The following WDR36 variants were observed in gnomAD, a reference collection of about 807,000 sequenced individuals.
The protein encoded by WDR36 is WD repeat-containing protein 36.
Under a neutral mutation model 112.7 loss-of-function variants are expected in WDR36, and 63 were observed. The observed-to-expected ratio is 0.56, with a 90% CI of 0.46 to 0.69. The LOEUF is 0.69. Among genes scored for constraint, WDR36 ranks in the 30% least tolerant of loss-of-function variants. The pLI is 0.00. For synonymous variants in WDR36, 410 were observed against 362.2 expected (o/e 1.13, Z -1.50); for missense variants, 1,226 against 1,070.3 (o/e 1.15, Z -2.03).
rs1580407445 is a variant in WDR36 at position 111,127,555 on chromosome 5, G to T, written c.*672G>T. ...TGTTGTGTTGCAGGAGAGGAATCAG[G>T]CTAAAGTCTGCTGGTATTTCAGTGA... On this transcript the variant is annotated 3_prime_UTR_variant, in exon 23 of 23. Coordinates refer to ENST00000513710, the MANE Select transcript of WDR36 (RefSeq NM_139281.3). 1 of 210,470 alleles carries T rather than the reference G, an allele frequency of 4.8e-6. No homozygotes were observed. Among genetic ancestry groups the T allele is most frequent in the East Asian group, 7.1e-5 (1 of 14,154 alleles). The allele number at this position is 210,470 out of a possible 1,614,324, so 13.0% of individuals were successfully genotyped here.
chr5:111,109,473 C>G (rs888026953), intron 12 of WDR36, among the ~76,000 whole-genome samples: 6 of 150,966 alleles, frequency 4.0e-5, no homozygotes, highest in African/African-American at 1.2e-4. Flanking sequence ...TAAATACTTT[C>G]TACTTAGTTT....
At chr5:111,118,718 G>A (rs1408180131) in intron 16 of WDR36, among the ~76,000 whole-genome samples, 1 of 151,928 alleles carries the variant, frequency 6.6e-6, no homozygotes, top group Non-Finnish European at 1.5e-5. Flanking sequence ...CCAAAATTTA[G>A]TATTCGAGAA....
intron 16 of WDR36, among the ~76,000 whole-genome samples, chr5:111,115,775 A>T (rs967909482): frequency 2.6e-5 from 4 of 152,198 alleles, no homozygotes; most frequent in African/African-American, 9.7e-5. Flanking sequence ...CATGGGTATT[A>T]AAGTTTCCTG....
chr5:111,105,167 G>A (rs1206832250), intron 9 of WDR36, 128 bp from the exon 10 acceptor site: 1 of 938,906 alleles, frequency 1.1e-6, no homozygotes, highest in Non-Finnish European at 1.7e-6. Context: ...GTTGCAATCT[G>A]GTTTTCCCTT....
chr5:111,111,363 TA>T, intron 15 of WDR36, 85 bp downstream of exon 15: 4 of 1,048,946 alleles, frequency 3.8e-6, no homozygotes, highest in Non-Finnish European at 5.9e-6. Flanking sequence ...AAAATCATTA[TA>T]TGAGGTGGTT....
intron 17 of WDR36, among the ~76,000 whole-genome samples, chr5:111,119,503 A>G (rs1753522564): frequency 6.6e-6 from 1 of 152,170 alleles, no homozygotes; most frequent in Admixed American, 6.6e-5. Context: ...TTGTATATAA[A>G]ATAAGGCACA....
intron 12 of WDR36, 144 bp from the exon 13 acceptor site, chr5:111,110,045 A>G: frequency 1.5e-6 from 1 of 658,546 alleles, no homozygotes; most frequent in Admixed American, 2.4e-5. Context: ...TAATTACTTT[A>G]TGTTAAAAAA....
At chr5:111,113,725 G>A (rs1027087955) in intron 16 of WDR36, among the ~76,000 whole-genome samples, 1 of 152,134 alleles carries the variant, frequency 6.6e-6, no homozygotes, top group Non-Finnish European at 1.5e-5. Flanking sequence ...GCCATATCTG[G>A]TGAGAGCCTT....
intron 1 of WDR36, among the ~76,000 whole-genome samples, 179 bp downstream of exon 1, chr5:111,092,797 T>C (rs553967845): frequency 1.3e-5 from 2 of 152,374 alleles, no homozygotes; most frequent in South Asian, 2.1e-4. Flanking sequence ...GCACTTGCAG[T>C]CCTCCTGGGG....
intron 2 of WDR36, 110 bp from the exon 3 acceptor site, chr5:111,096,965 CTTTA>C (rs1753004055): frequency 8.6e-6 from 6 of 699,522 alleles, no homozygotes; most frequent in South Asian, 1.7e-5. Context: ...CAACTTTGAT[CTTTA>C]TTTATATATT....
rs1230145635 is a variant in WDR36, at chr5:111,127,834, G to A, written c.*951G>A. ...AAAGGTAAAAATTCCATAAATCCTTGCAAACAATTTTTAGCAATATTGTTT... is the reference window on the plus strand; with the variant it reads ...AAAGGTAAAAATTCCATAAATCCTTACAAACAATTTTTAGCAATATTGTTT... On this transcript the variant is annotated 3_prime_UTR_variant, in exon 23 of 23. Transcript: ENST00000513710. The A allele has an allele frequency of 4.8e-6, 1 of 210,228 alleles. No homozygotes were observed. Among genetic ancestry groups the A allele is most frequent in the Non-Finnish European group, 9.6e-6 (1 of 103,762 alleles). 13.0% of individuals were successfully genotyped at this position (210,228 alleles called of 1,614,324 possible). A position where few individuals can be genotyped will look rare whatever the true frequency, so the allele number is the denominator to read the frequency against.
chr5:111,108,855 A>C (rs1331078127), intron 12 of WDR36, among the ~76,000 whole-genome samples: 1 of 151,346 alleles, frequency 6.6e-6, no homozygotes, highest in African/African-American at 2.4e-5. Flanking sequence ...GGGATCACTT[A>C]TAGAACATTT....
intron 22 of WDR36, 129 bp from the exon 23 acceptor site, chr5:111,126,602 GTAA>G: frequency 9.9e-7 from 1 of 1,005,358 alleles, no homozygotes; most frequent in East Asian, 2.6e-5. Flanking sequence ...ATGGGAGATA[GTAA>G]TAAACCAGCG....
intron 16 of WDR36, among the ~76,000 whole-genome samples, chr5:111,117,350 G>C (rs1285591493): frequency 1.3e-5 from 2 of 152,112 alleles, no homozygotes; most frequent in African/African-American, 2.4e-5. Flanking sequence ...CAAATTGAGA[G>C]AGGCGTTTTA....
At position 111,124,140 on chromosome 5, in the gene WDR36, A is replaced by G. The variant is rs1353229226; in HGVS notation, c.2301A>G (p.Gln767=). 6.2e-7 allele frequency: 1 copy of G among 1,612,972 alleles called. No individual in the cohort carries two copies. Among genetic ancestry groups the G allele is most frequent in the African/African-American group, 1.3e-5 (1 of 74,904 alleles). Residue 767 remains glutamine (Q), a synonymous_variant, in exon 21 of 23, where the codon CAA becomes CAG. Transcript: ENST00000513710. ...SKVVNLGVLA[Q]KSDFCLKLEE... is the part of the protein sequence containing the mutation. ...TGGTAAATCTTGGAGTTTTGGCTCA[A>G]AAATCAGATTTCTGCTTGAAACTTG... is the stretch of plus-strand genomic sequence containing the variant.
Position 111,104,191 on chromosome 5 carries a change from A to G in WDR36, c.745A>G (p.Met249Val). The change falls in exon 8 of 23, where the codon ATG (methionine) becomes GTG (valine). Residue 249 changes from methionine to valine, a missense_variant. Physicochemically the swap from Met to Val is conservative, Grantham distance 21 (BLOSUM62 1). Coordinates refer to ENST00000513710, the MANE Select transcript of WDR36 (RefSeq NM_139281.3). ...TTTAATAACAGATGGTCATCCAGTA[A>G]TGGCAGCTGGAAGCCCATGTGGCCA... ...ISFRTDGHPV[M>V]AAGSPCGHIG... The G allele has an allele frequency of 6.2e-7, 1 of 1,611,136 alleles. No homozygotes were observed. Among genetic ancestry groups the G allele is most frequent in the Non-Finnish European group, 8.5e-7 (1 of 1,178,102 alleles).
At chr5:111,117,722 A>G (rs756796944) in intron 16 of WDR36, among the ~76,000 whole-genome samples, 30 of 152,320 alleles carry the variant, frequency 2.0e-4, no homozygotes, top group Non-Finnish European at 3.7e-4. Flanking sequence ...ACACTAAAAA[A>G]GTGTTAATCT....
intron 9 of WDR36, 107 bp from the exon 10 acceptor site, chr5:111,105,188 C>A: frequency 8.1e-7 from 1 of 1,233,020 alleles, no homozygotes; most frequent in Non-Finnish European, 1.2e-6. Context: ...TAAAGTGTCC[C>A]AAACTGTAAC....
chr5:111,105,423 C>CTTCCTCCAGTTGTTTCAT, intron 10 of WDR36, 63 bp downstream of exon 10: 2 of 1,457,446 alleles, frequency 1.4e-6, no homozygotes, highest in Non-Finnish European at 1.9e-6. Flanking sequence ...TTCTATGAAA[C>CTTCCTCCAGTTGTTTCAT]AACTGGAGGA....
Sources: gnomAD v4.1 joint callset for allele counts (sites outside exome capture counted in the v4.1 genomes callset) on GRCh38, gnomAD v4.1.1 for gene constraint, MANE v1.5 for transcripts, NCBI Gene and HGNC (gene_info 2026-07-23, HGNC 2026-07-21) for gene names.